Variants in TJP1 observed in about 807,000 individuals in gnomAD.
TJP1 encodes the protein tight junction protein 1, also known as tight junction protein ZO-1.
In TJP1, 43 loss-of-function variants were observed where a neutral mutation model predicts 194.2. That is an observed-to-expected ratio of 0.22 (90% CI 0.17 to 0.29). The LOEUF (loss-of-function observed/expected upper bound fraction) is 0.29. Among genes scored for constraint, TJP1 ranks in the 10% least tolerant of loss-of-function variants. The pLI, the probability that TJP1 is intolerant of heterozygous loss-of-function variation, is 1.00. For missense variants in TJP1, 1,971 were observed against 2,185.7 expected, an observed-to-expected ratio of 0.90 and a Z score of 1.96; for synonymous variants, 801 against 779.0, an observed-to-expected ratio of 1.03 and a Z score of -0.47.
At chr15:29,901,819 T>G in intron 2 of TJP1, among the ~76,000 whole-genome samples, 1 of 113,104 alleles carries the variant, frequency 8.8e-6, no homozygotes, top group Admixed American at 9.1e-5. Context: ...AGACTCTATC[T>G]CAAAAAAAAA....
intron 2 of TJP1, among the ~76,000 whole-genome samples, chr15:29,872,113 C>T (rs550051225): frequency 2.6e-5 from 4 of 152,262 alleles, no homozygotes; most frequent in African/African-American, 9.6e-5. Flanking sequence ...TGCAGGAAGG[C>T]CTATGAGGCT....
chr15:29,878,151 G>A (rs1244695475), intron 2 of TJP1, among the ~76,000 whole-genome samples: 3 of 152,076 alleles, frequency 2.0e-5, no homozygotes. Flanking sequence ...CCAGGATCAC[G>A]CCAGTCTCCT....
chr15:29,826,098 A>T (rs1370647364), upstream of TJP1, among the ~76,000 whole-genome samples: 2 of 152,182 alleles, frequency 1.3e-5, no homozygotes, highest in Non-Finnish European at 2.9e-5. Flanking sequence ...ATATTACCAC[A>T]GTTTAGAAAT....
At chr15:29,739,234 G>C (rs549086223) in intron 10 of TJP1, among the ~76,000 whole-genome samples, 1 of 152,232 alleles carries the variant, frequency 6.6e-6, no homozygotes, top group Non-Finnish European at 1.5e-5. Context: ...ACAGTGTCAT[G>C]TGCCTTAGAT....
chr15:29,779,208 G>A (rs2047201499), intron 2 of TJP1, among the ~76,000 whole-genome samples: 2 of 152,126 alleles, frequency 1.3e-5, no homozygotes, highest in South Asian at 4.1e-4. Flanking sequence ...GGGCCTGCAT[G>A]AATGCCCAAA....
intron 2 of TJP1, among the ~76,000 whole-genome samples, chr15:29,925,039 G>A (rs2054483245): frequency 1.3e-5 from 2 of 152,178 alleles, no homozygotes; most frequent in South Asian, 4.1e-4. Context: ...GCAGTTCCCT[G>A]TAGCATCTTC....
At chr15:29,760,396 GAA>G (rs2045926052) in intron 8 of TJP1, 2 of 616,948 alleles carry the variant, frequency 3.2e-6, no homozygotes, top group East Asian at 2.8e-5. Flanking sequence ...TTGTTTTTGA[GAA>G]AGAGTTCCGC....
intron 1 of TJP1, among the ~76,000 whole-genome samples, chr15:29,805,647 T>C (rs2049063141): frequency 2.0e-5 from 3 of 149,862 alleles, no homozygotes; most frequent in Admixed American, 6.8e-5. Context: ...GAACACTAAA[T>C]GGTATTTAGG....
intron 25 of TJP1, among the ~76,000 whole-genome samples, chr15:29,707,659 G>A (rs369961103): frequency 7.2e-5 from 11 of 152,184 alleles, no homozygotes; most frequent in Admixed American, 5.9e-4. Context: ...GTCAATCGCC[G>A]TGGAATGAAA....
chr15:29,890,093 C>T lies in TJP1; in HGVS notation c.306+66139G>A, dbSNP rs755546090. ...AGATCTGGCTGTCAATGGCATGCCCCGATCAGCAAAACAAAAGTTCCACCA... is the reference window on the plus strand; with the variant it reads ...AGATCTGGCTGTCAATGGCATGCCCTGATCAGCAAAACAAAAGTTCCACCA... On this transcript the variant is annotated intron_variant, in intron 2 of 28. Transcript: ENST00000356107. Among the ~76,000 whole-genome samples, 12 of 152,278 alleles carry T rather than the reference C, an allele frequency of 7.9e-5. 1 individual carries two copies. The East Asian group carries it at 9.7e-4, about 12-fold the overall frequency.
At chr15:29,867,281 T>C (rs974180068) in intron 2 of TJP1, among the ~76,000 whole-genome samples, 2 of 152,208 alleles carry the variant, frequency 1.3e-5, no homozygotes, top group African/African-American at 4.8e-5. Context: ...TGGCACTTTA[T>C]GAGCAAGAAA....
intron 18 of TJP1, among the ~76,000 whole-genome samples, chr15:29,720,931 G>A (rs768472362): frequency 1.2e-4 from 19 of 152,066 alleles, no homozygotes; most frequent in Non-Finnish European, 2.4e-4. Flanking sequence ...AACAGTGGCC[G>A]GTAAGCCAGG....
intron 1 of TJP1, among the ~76,000 whole-genome samples, chr15:29,958,855 T>G (rs1017690281): frequency 1.3e-5 from 2 of 152,248 alleles, no homozygotes; most frequent in African/African-American, 4.8e-5. Context: ...TTGTTCATAC[T>G]TTTGATCTCT....
Position 29,762,284 on chromosome 15 carries a change from T to C in TJP1, c.693+51A>G, listed in dbSNP as rs765687055. The stretch of plus-strand genomic sequence containing the variant: ...AAGAGCACAGACTACATGGTAACTC[T>C]AGAACTTGTTTTCTATTTCAGTTCA... On this transcript the variant is annotated intron_variant, in intron 6 of 27. Coordinates refer to ENST00000614355, the MANE Select transcript of TJP1 (RefSeq NM_001330239.4). 8.1e-6 allele frequency: 12 copies of C among 1,480,438 alleles called. No individual in the cohort carries two copies. The East Asian group carries it at 1.8e-4, about 22-fold the overall frequency. 91.7% of individuals were successfully genotyped at this position (1,480,438 alleles called of 1,614,324 possible).
At chr15:29,860,046 TCCACA>T (rs2052015281) in intron 2 of TJP1, among the ~76,000 whole-genome samples, 1 of 152,120 alleles carries the variant, frequency 6.6e-6, no homozygotes, top group Admixed American at 6.6e-5. Context: ...GGTGGGAGCC[TCCACA>T]TTGACTGTCA....
At chr15:29,753,255 A>G (rs1217698773) in intron 8 of TJP1, among the ~76,000 whole-genome samples, 1 of 151,978 alleles carries the variant, frequency 6.6e-6, no homozygotes. Flanking sequence ...AGGCTGAGGC[A>G]GGCAGATCAC....
At chr15:29,791,478 T>C (rs982943937) in intron 2 of TJP1, among the ~76,000 whole-genome samples, 1 of 136,236 alleles carries the variant, frequency 7.3e-6, no homozygotes, top group African/African-American at 2.8e-5. Flanking sequence ...TGGAGTGCAG[T>C]GCAGCAATCT....
intron 8 of TJP1, among the ~76,000 whole-genome samples, chr15:29,747,301 A>AATAC (rs2044859344): frequency 1.3e-5 from 2 of 152,118 alleles, no homozygotes; most frequent in Admixed American, 1.3e-4. Context: ...TAAATAAATA[A>AATAC]ATACAATAAA....
chr15:29,715,714 G>C (rs1238689325), intron 23 of TJP1, among the ~76,000 whole-genome samples: 6 of 152,142 alleles, frequency 3.9e-5, no homozygotes, highest in African/African-American at 1.4e-4. Flanking sequence ...GGGAGGGCCT[G>C]GCCTAATCAG....
Sources: gnomAD v4.1 joint callset for allele counts (sites outside exome capture counted in the v4.1 genomes callset) on GRCh38, gnomAD v4.1.1 for gene constraint, MANE v1.5 for transcripts, NCBI Gene and HGNC (gene_info 2026-07-23, HGNC 2026-07-21) for gene names.